The following QKI variants were observed in gnomAD, a reference collection of about 807,000 sequenced individuals.
The protein encoded by QKI is KH domain-containing RNA-binding protein QKI.
Under a neutral mutation model 39.0 loss-of-function variants are expected in QKI, and 10 were observed. The observed-to-expected ratio is 0.26, with a 90% confidence interval of 0.16 to 0.43. The LOEUF is 0.43. QKI is among the 20% of genes least tolerant of loss of function. The pLI is 1.00. For synonymous variants in QKI, 204 were observed against 155.4 expected (o/e 1.31, Z -2.33); for missense variants, 218 against 428.0 (o/e 0.51, Z 4.33).
chr6:163,567,805 G>A, intron 7 of QKI: 6 of 985,144 alleles, frequency 6.1e-6, no homozygotes, highest in Non-Finnish European at 7.2e-6. Context: ...AAATATTAGT[G>A]GAGGAAAAAG....
intron 1 of QKI, among the ~76,000 whole-genome samples, chr6:163,426,775 T>C (rs764413502): frequency 1.3e-5 from 2 of 152,220 alleles, no homozygotes; most frequent in Non-Finnish European, 2.9e-5. Flanking sequence ...TATATGCTGC[T>C]GCTTATTATT....
chr6:163,446,660 A>C (rs1790177012), intron 1 of QKI, among the ~76,000 whole-genome samples: 1 of 152,222 alleles, frequency 6.6e-6, no homozygotes, highest in Non-Finnish European at 1.5e-5. Context: ...TAATAGTTAA[A>C]TATTAACGTG....
chr6:163,530,098 A>G (rs890510547), intron 3 of QKI, among the ~76,000 whole-genome samples: 13 of 152,232 alleles, frequency 8.5e-5, no homozygotes, highest in African/African-American at 3.1e-4. Flanking sequence ...ATGAAATGAT[A>G]TTGCAAATGG....
intron 1 of QKI, among the ~76,000 whole-genome samples, chr6:163,445,464 T>C (rs998597893): frequency 2.0e-5 from 3 of 152,144 alleles, no homozygotes; most frequent in African/African-American, 4.8e-5. Flanking sequence ...CTTGACACTT[T>C]TGAAGAATGC....
At chr6:163,547,351 T>G (rs1781947799) in intron 4 of QKI, among the ~76,000 whole-genome samples, 1 of 152,208 alleles carries the variant, frequency 6.6e-6, no homozygotes, top group African/African-American at 2.4e-5. Context: ...GTGTTCTTAA[T>G]TGCTTTTTTG....
Position 163,570,663 on chromosome 6 carries a change from G to GTT in QKI, c.1010-28_1010-27dup. 1.9e-6 allele frequency: 3 copies of GTT among 1,592,898 alleles called. No homozygotes were observed. In the East Asian group the frequency reaches 6.9e-5, roughly 37 times the overall value. ...CTCTATCTTTTCTTTTCTTTTTTTT[G>GTT]TTTTGTTTTTTTTTGTTTCTAACCA... is the stretch of plus-strand genomic sequence containing the variant. On this transcript the variant is annotated intron_variant, in intron 7 of 7. Transcript: ENST00000361752.
At chr6:163,443,066 C>G (rs1789876587) in intron 1 of QKI, among the ~76,000 whole-genome samples, 1 of 152,152 alleles carries the variant, frequency 6.6e-6, no homozygotes, top group Non-Finnish European at 1.5e-5. Flanking sequence ...AGTAAACCAA[C>G]TGTGGTTTAA....
chr6:163,549,485 C>T (rs943398165), intron 4 of QKI, among the ~76,000 whole-genome samples: 7 of 152,040 alleles, frequency 4.6e-5, no homozygotes, highest in African/African-American at 7.2e-5. Context: ...CTGAGGCGGG[C>T]GGATCTCTTG....
chr6:163,535,007 A>G lies in QKI; in HGVS notation c.428A>G (p.Asn143Ser). ...KKEEQNRGKP[N>S]WEHLNEDLHV... ...GAGGAGCAAAATAGAGGCAAGCCCA[A>G]TTGGGAGCATCTAAATGAAGATTTA... Residue 143 changes from asparagine (N) to serine (S), a missense_variant, in exon 4 of 8, where the codon AAT (asparagine) becomes AGT (serine). Transcript: ENST00000361752. 1.2e-6 allele frequency: 2 copies of G among 1,610,402 alleles called. No individual in the cohort carries two copies. The highest frequency in any genetic ancestry group is 1.7e-6 in the Non-Finnish European group (2 of 1,178,446).
At chr6:163,566,678 T>C (rs760960932) in intron 6 of QKI, 43 bp from the exon 7 acceptor site, 3 of 1,607,536 alleles carry the variant, frequency 1.9e-6, no homozygotes, top group Non-Finnish European at 2.5e-6. Flanking sequence ...TCCCCCCTTG[T>C]GAATGTTTTC....
intron 3 of QKI, among the ~76,000 whole-genome samples, chr6:163,510,232 T>TAAC (rs1242535600): frequency 8.7e-6 from 1 of 115,544 alleles, no homozygotes; most frequent in Non-Finnish European, 1.7e-5. Context: ...ATAATAATAA[T>TAAC]AATAATAATA....
At chr6:163,452,222 T>C (rs11962850) in intron 1 of QKI, among the ~76,000 whole-genome samples, 4,241 of 152,270 alleles carry the variant, frequency 0.028, 192 homozygotes, top group African/African-American at 0.096. Context: ...TCTACTTTTT[T>C]CCCCTGTTTA....
intron 4 of QKI, among the ~76,000 whole-genome samples, chr6:163,541,549 G>A (rs1487846684): frequency 6.8e-6 from 1 of 147,216 alleles, no homozygotes; most frequent in Non-Finnish European, 1.5e-5. Context: ...AAAGAGGTGT[G>A]TAAAAATCTC....
At position 163,571,592 on chromosome 6, in the gene QKI, T is replaced by A. The variant is rs1419764551; in HGVS notation, c.*882T>A. 2.6e-5 allele frequency: 4 copies of A among 152,060 alleles called. No homozygotes were observed. Among genetic ancestry groups the A allele is most frequent in the African/African-American group, 9.7e-5 (4 of 41,428 alleles). The allele number at this position is 152,060 out of a possible 1,614,324, so 9.4% of individuals were successfully genotyped here. The stretch of plus-strand genomic sequence containing the variant: ...ATTTGCTGTATACATGTAATGAAAT[T>A]GTAGATAAAGTGTAGTGCATTGAAA... On this transcript the variant is annotated 3_prime_UTR_variant, in exon 8 of 8. Coordinates refer to ENST00000361752, the MANE Select transcript of QKI (RefSeq NM_006775.3).
At chr6:163,511,282 A>T (rs1779458524) in intron 3 of QKI, among the ~76,000 whole-genome samples, 1 of 152,188 alleles carries the variant, frequency 6.6e-6, no homozygotes, top group Admixed American at 6.5e-5. Context: ...ATAAAACTAC[A>T]ATTATCTAAT....
chr6:163,568,191 G>T, intron 7 of QKI: 1 of 983,756 alleles, frequency 1.0e-6, no homozygotes, highest in Non-Finnish European at 1.2e-6. Context: ...AATAATTTGA[G>T]GTTTTATTCA....
At chr6:163,567,324 A>G in intron 7 of QKI, 1 of 985,766 alleles carries the variant, frequency 1.0e-6, no homozygotes. Flanking sequence ...CTTAGCTAAA[A>G]TCAACAAAGT....
chr6:163,468,393 C>T (rs1791936646), intron 2 of QKI, among the ~76,000 whole-genome samples: 1 of 152,268 alleles, frequency 6.6e-6, no homozygotes, highest in South Asian at 2.1e-4. Flanking sequence ...AAGTGTTTCA[C>T]TTGAGGTGCT....
At chr6:163,562,263 T>C (rs1783078137) in intron 5 of QKI, among the ~76,000 whole-genome samples, 194 bp downstream of exon 5, 1 of 152,268 alleles carries the variant, frequency 6.6e-6, no homozygotes, top group South Asian at 2.1e-4. Flanking sequence ...TTTTATTTTA[T>C]GTCAGCATGT....
Sources: allele counts gnomAD v4.1 joint callset (sites outside exome capture counted in the v4.1 genomes callset), GRCh38; gene constraint gnomAD v4.1.1; transcripts MANE v1.5; gene names NCBI Gene and HGNC (gene_info 2026-07-23, HGNC 2026-07-21).